XRN2: variants seen among roughly 807,000 people sequenced by gnomAD.
XRN2 encodes the protein 5'-3' exoribonuclease 2, also known as DHM1-like protein.
Under a neutral mutation model 138.5 loss-of-function variants are expected in XRN2, and 44 were observed. The observed-to-expected ratio is 0.32, with a 90% CI of 0.25 to 0.41. XRN2 has a LOEUF of 0.41. XRN2 is among the 10% of genes least tolerant of loss of function. The pLI is 1.00. For missense variants in XRN2, 937 were observed against 1,169.3 expected, an observed-to-expected ratio of 0.80 and a Z score of 2.90; for synonymous variants, 354 against 369.4, an observed-to-expected ratio of 0.96 and a Z score of 0.48.
In XRN2 at chr20:21,304,065, C is replaced by T. The variant is rs542125969; in HGVS notation, c.75+592C>T. The stretch of plus-strand genomic sequence containing the variant: ...GCGCTATAGAATTCTGAGAAGTTAC[C>T]CTTCTCTGTGTGCCCTGACTACTGA... On this transcript the variant is annotated intron_variant, in intron 1 of 29. Coordinates refer to ENST00000377191, the MANE Select transcript of XRN2 (RefSeq NM_012255.5). 5.9e-5 allele frequency among the ~76,000 whole-genome samples: 9 copies of T among 152,248 alleles called. No homozygotes were observed. The South Asian group carries it at 1.0e-3, about 18-fold the overall frequency.
intron 15 of XRN2, 86 bp from the exon 16 acceptor site, chr20:21,344,004 C>A: frequency 2.2e-6 from 2 of 926,366 alleles, no homozygotes; most frequent in Non-Finnish European, 3.4e-6. Flanking sequence ...TACTGTGAAA[C>A]ATGGTAAGTA....
At chr20:21,310,754 A>AT (rs1054098514) in intron 1 of XRN2, among the ~76,000 whole-genome samples, 3 of 147,834 alleles carry the variant, frequency 2.0e-5, no homozygotes, top group African/African-American at 2.5e-5. Flanking sequence ...TTTATTTTTT[A>AT]TTTTTTTTGA....
chr20:21,370,542 A>G (rs771291379), intron 27 of XRN2, among the ~76,000 whole-genome samples: 2 of 152,228 alleles, frequency 1.3e-5, no homozygotes, highest in Non-Finnish European at 2.9e-5. Context: ...CCTGAAAGAC[A>G]AAGGTGTCCC....
intron 1 of XRN2, among the ~76,000 whole-genome samples, chr20:21,312,299 T>A (rs1477172286): frequency 6.6e-6 from 1 of 152,074 alleles, no homozygotes; most frequent in Admixed American, 6.5e-5. Context: ...TTTATTTATT[T>A]TTTTTTAGTA....
chr20:21,315,845 T>C (rs141038399), intron 1 of XRN2, among the ~76,000 whole-genome samples: 102 of 152,352 alleles, frequency 6.7e-4, no homozygotes, highest in African/African-American at 2.2e-3. Flanking sequence ...GTAAGAGTTT[T>C]AAAGAATGTA....
chr20:21,377,891 G>A (rs1378475611), intron 27 of XRN2, among the ~76,000 whole-genome samples: 1 of 152,104 alleles, frequency 6.6e-6, no homozygotes, highest in African/African-American at 2.4e-5. Flanking sequence ...ACCAGGAAGG[G>A]GACCTGGTTC....
intron 24 of XRN2, among the ~76,000 whole-genome samples, chr20:21,360,723 T>C (rs2122292675): frequency 6.6e-6 from 1 of 152,322 alleles, no homozygotes. Flanking sequence ...TCTGCAGCAT[T>C]TGCAAGGCTT....
chr20:21,336,962 C>T (rs2038303474), intron 13 of XRN2, among the ~76,000 whole-genome samples: 1 of 152,186 alleles, frequency 6.6e-6, no homozygotes, highest in Non-Finnish European at 1.5e-5. Context: ...CAGGAACATA[C>T]TCAGGATGTT....
At chr20:21,356,953 T>G (rs2038582595) in intron 23 of XRN2, among the ~76,000 whole-genome samples, 1 of 152,154 alleles carries the variant, frequency 6.6e-6, no homozygotes, top group African/African-American at 2.4e-5. Flanking sequence ...TTCTTACACT[T>G]TCTCTCTTGA....
intron 28 of XRN2, among the ~76,000 whole-genome samples, chr20:21,386,467 G>A (rs933780578): frequency 1.3e-5 from 2 of 152,176 alleles, no homozygotes; most frequent in Non-Finnish European, 2.9e-5. Flanking sequence ...ATCCAAGAAC[G>A]AGTCTGGACA....
chr20:21,321,386 A>G (rs897515822), intron 1 of XRN2, among the ~76,000 whole-genome samples: 4 of 150,020 alleles, frequency 2.7e-5, no homozygotes, highest in Admixed American at 1.3e-4. Context: ...ATAGTGCAGT[A>G]GTGGCACAAT....
intron 1 of XRN2, among the ~76,000 whole-genome samples, chr20:21,317,037 A>T (rs1021505389): frequency 7.9e-5 from 12 of 152,176 alleles, no homozygotes; most frequent in Non-Finnish European, 1.2e-4. Flanking sequence ...ATACACAATC[A>T]TGTCATGTGC....
intron 3 of XRN2, among the ~76,000 whole-genome samples, chr20:21,327,594 A>G (rs947699046): frequency 1.1e-4 from 17 of 152,234 alleles, no homozygotes; most frequent in African/African-American, 3.9e-4. Context: ...TTCAGTTTAT[A>G]TTCAGCTAAT....
chr20:21,317,766 A>G (rs910029913), intron 1 of XRN2, among the ~76,000 whole-genome samples: 1 of 152,222 alleles, frequency 6.6e-6, no homozygotes, highest in Non-Finnish European at 1.5e-5. Context: ...TACCAACGCA[A>G]CTGTCCATTT....
intron 27 of XRN2, among the ~76,000 whole-genome samples, chr20:21,377,264 C>CTTTTTTTCTTTTTT (rs2038833972): frequency 1.2e-5 from 1 of 82,782 alleles, no homozygotes; most frequent in Non-Finnish European, 2.1e-5. Flanking sequence ...TCGGTTTTTT[C>CTTTTTTTCTTTTTT]TTTTTTTTTT....
chr20:21,361,300 C>T (rs1465493821), intron 24 of XRN2, among the ~76,000 whole-genome samples: 3 of 152,142 alleles, frequency 2.0e-5, no homozygotes, highest in Admixed American at 6.5e-5. Flanking sequence ...TTTATGAAGA[C>T]AATCAAGCAT....
Position 21,354,289 on chromosome 20 carries a change from A to G in XRN2, c.1937-500A>G, listed in dbSNP as rs577145021. Among the ~76,000 whole-genome samples the G allele has an allele frequency of 1.4e-4, 21 of 152,330 alleles. 1 individual carries two copies. In the South Asian group the frequency reaches 4.3e-3, roughly 32 times the overall value. ...TTAGTAGGCTTTAAAATGTAAAAAG[A>G]ATACTATGGAATTTTAGAGCAGGAG... is the stretch of plus-strand genomic sequence containing the variant. On this transcript the variant is annotated intron_variant, in intron 20 of 29. Transcript: ENST00000377191.
intron 4 of XRN2, among the ~76,000 whole-genome samples, chr20:21,329,144 A>G (rs1178032854): frequency 6.6e-6 from 1 of 152,198 alleles, no homozygotes; most frequent in Admixed American, 6.5e-5. Context: ...GGCTGTTGCC[A>G]AGTCATTTGC....
chr20:21,354,994 A>G, intron 21 of XRN2, 122 bp downstream of exon 21: 1 of 709,214 alleles, frequency 1.4e-6, no homozygotes, highest in Non-Finnish European at 2.1e-6. Flanking sequence ...TAAATCATTG[A>G]TTTTATTTTC....
Sources: allele counts gnomAD v4.1 joint callset (sites outside exome capture counted in the v4.1 genomes callset), GRCh38; gene constraint gnomAD v4.1.1; transcripts MANE v1.5; gene names NCBI Gene and HGNC (gene_info 2026-07-23, HGNC 2026-07-21).